Variants in CBR4 observed in about 807,000 individuals in gnomAD.
CBR4 encodes the protein 3-oxoacyl-[acyl-carrier-protein] reductase.
Under a neutral mutation model 21.0 loss-of-function variants are expected in CBR4, and 22 were observed. That is an observed-to-expected ratio of 1.05 (90% CI 0.75 to 1.50). The LOEUF (loss-of-function observed/expected upper bound fraction) is 1.50, where lower values mean the gene tolerates loss of function less well. Among genes scored for constraint, CBR4 ranks in the 40% most tolerant of loss-of-function variants. CBR4 has a pLI of 0.00. For synonymous variants in CBR4, 100 were observed against 104.4 expected (o/e 0.96, Z 0.26); for missense variants, 302 against 286.3 (o/e 1.05, Z -0.40).
chr4:168,979,933 A>G lies in CBR4; in HGVS notation n.169+22138T>C, dbSNP rs142794161. On this transcript the variant is annotated intron_variant and non_coding_transcript_variant, in intron 2 of 3. Transcript: ENST00000509108. ...ACCTCCAGCATGCAGCAGCTGCCCT[A>G]TGAAGAGGCTAGTCTGTCTTCCCTG... is the stretch of plus-strand genomic sequence containing the variant. Among the ~76,000 whole-genome samples the G allele has an allele frequency of 4.9e-3, 741 of 152,194 alleles. 7 individuals are homozygous for G. The highest frequency in any genetic ancestry group is 5.5e-3 in the Admixed American group (84 of 15,298).
chr4:168,935,766 G>A (rs1763094685), intron 2 of CBR4, among the ~76,000 whole-genome samples: 3 of 152,204 alleles, frequency 2.0e-5, no homozygotes. Context: ...TCCCAGTCAG[G>A]GGCTCATAGG....
intron 2 of CBR4, among the ~76,000 whole-genome samples, chr4:168,929,318 A>G (rs1762890353): frequency 6.6e-6 from 1 of 152,210 alleles, no homozygotes; most frequent in Non-Finnish European, 1.5e-5. Flanking sequence ...TCATTTATCT[A>G]ATTCACAGCC....
chr4:168,957,226 T>A (rs557488592), intron 2 of CBR4, among the ~76,000 whole-genome samples: 1 of 152,144 alleles, frequency 6.6e-6, no homozygotes, highest in Admixed American at 6.5e-5. Flanking sequence ...AAACCAATAT[T>A]AAACATTCTT....
intron 2 of CBR4, among the ~76,000 whole-genome samples, chr4:168,969,992 A>G (rs566666491): frequency 3.3e-5 from 5 of 152,300 alleles, no homozygotes; most frequent in Admixed American, 1.3e-4. Context: ...CTTGATTTGC[A>G]TATCTCTAGT....
intron 2 of CBR4, among the ~76,000 whole-genome samples, chr4:168,915,364 A>G (rs1006160596): frequency 2.6e-5 from 4 of 152,226 alleles, no homozygotes; most frequent in African/African-American, 9.6e-5. Flanking sequence ...GTACAATCTC[A>G]TTTTTTAAAG....
At chr4:168,946,743 C>A (rs1763405212) in intron 2 of CBR4, among the ~76,000 whole-genome samples, 1 of 152,016 alleles carries the variant, frequency 6.6e-6, no homozygotes, top group Admixed American at 6.6e-5. Context: ...ATGTAACCCA[C>A]ATAAACAAAA....
At chr4:168,937,723 T>C (rs1560953360) in intron 2 of CBR4, among the ~76,000 whole-genome samples, 1 of 150,634 alleles carries the variant, frequency 6.6e-6, no homozygotes, top group African/African-American at 2.4e-5. Flanking sequence ...AGAACGGCAT[T>C]ACATAATGGT....
chr4:169,001,295 G>C (rs1445232548), intron 4 of CBR4: 1 of 151,800 alleles, frequency 6.6e-6, no homozygotes, highest in Non-Finnish European at 1.5e-5. Flanking sequence ...GCTCCCATTA[G>C]GTGGAAATCA....
chr4:168,931,217 C>G (rs1683519218), intron 2 of CBR4, among the ~76,000 whole-genome samples: 1 of 152,218 alleles, frequency 6.6e-6, no homozygotes, highest in South Asian at 2.1e-4. Flanking sequence ...CTGCTAAGCA[C>G]CTGACATGCC....
Position 168,905,790 on chromosome 4 carries a change from C to CT in CBR4, n.170-11026dup, listed in dbSNP as rs59427697. 2.8e-3 allele frequency among the ~76,000 whole-genome samples: 322 copies of CT among 113,132 alleles called. 3 individuals carry two copies. The highest frequency in any genetic ancestry group is 5.4e-3 in the Middle Eastern group (1 of 186). The allele number at this position is 113,132 out of a possible 152,430, so 74.2% of individuals were successfully genotyped here. The stretch of plus-strand genomic sequence containing the variant: ...ACAAAAGCGGAACTTGCTTTTTTTT[C>CT]TTTTTTTTTTTTTTTTTTTTCTTTT... On this transcript the variant is annotated intron_variant and non_coding_transcript_variant, in intron 2 of 3. Transcript: ENST00000509108.
At chr4:168,925,704 T>TG (rs1762450200) in intron 2 of CBR4, among the ~76,000 whole-genome samples, 2 of 152,050 alleles carry the variant, frequency 1.3e-5, no homozygotes, top group Non-Finnish European at 2.9e-5. Context: ...TAGAAAAAAA[T>TG]TAAGAATTTA....
chr4:168,926,066 A>G (rs1762531009), intron 2 of CBR4: 7 of 627,896 alleles, frequency 1.1e-5, no homozygotes, highest in South Asian at 8.4e-5. Context: ...GTAAAATGCA[A>G]AAGTGTTCCT....
intron 2 of CBR4, among the ~76,000 whole-genome samples, chr4:168,933,121 G>A (rs537519716): frequency 3.8e-4 from 58 of 151,948 alleles, no homozygotes; most frequent in Admixed American, 8.5e-4. Context: ...ATATACAACC[G>A]GAAAACCATC....
At chr4:169,007,012 T>TC in intron 2 of CBR4, 121 bp from the exon 3 acceptor site, 1 of 698,524 alleles carries the variant, frequency 1.4e-6, no homozygotes, top group Non-Finnish European at 2.4e-6. Flanking sequence ...CTAGAATAGC[T>TC]AGAATACCTA....
chr4:168,911,807 C>T (rs1480195591), intron 2 of CBR4, among the ~76,000 whole-genome samples: 1 of 152,160 alleles, frequency 6.6e-6, no homozygotes, highest in Non-Finnish European at 1.5e-5. Flanking sequence ...GACTTCATGT[C>T]TCCTTGGAAA....
chr4:168,940,106 A>G (rs1160637955), intron 2 of CBR4, among the ~76,000 whole-genome samples: 1 of 152,230 alleles, frequency 6.6e-6, no homozygotes, highest in Non-Finnish European at 1.5e-5. Context: ...AGACCAATGG[A>G]ACAGAACAGA....
intron 2 of CBR4, among the ~76,000 whole-genome samples, chr4:168,933,543 T>C (rs1028982469): frequency 2.0e-5 from 3 of 152,140 alleles, no homozygotes; most frequent in East Asian, 1.9e-4. Flanking sequence ...AAAGGAGAGA[T>C]AGACCTCAAT....
intron 2 of CBR4, among the ~76,000 whole-genome samples, chr4:168,981,469 A>G (rs1764545095): frequency 6.6e-6 from 1 of 152,218 alleles, no homozygotes. Context: ...CCTGCCTATA[A>G]GAATTTCATA....
Position 168,926,272 on chromosome 4 carries a change from C to T in CBR4, n.170-31507G>A, listed in dbSNP as rs557967554. On this transcript the variant is annotated intron_variant and non_coding_transcript_variant, in intron 2 of 3. Transcript: ENST00000509108. ...AAAAAAAGTACGGCCCTCAGCCAGT[C>T]GCTATGCAGCACTTTCGGACCAGGG... 9.8e-6 allele frequency: 15 copies of T among 1,537,058 alleles called. No homozygotes were observed. Among genetic ancestry groups the T allele is most frequent in the South Asian group, 3.6e-5 (3 of 84,026 alleles).
Sources: allele counts gnomAD v4.1 joint callset (sites outside exome capture counted in the v4.1 genomes callset), GRCh38; gene constraint gnomAD v4.1.1; transcripts MANE v1.5; gene names NCBI Gene and HGNC (gene_info 2026-07-23, HGNC 2026-07-21).